The following SCN11A variants were observed in gnomAD, a reference collection of about 807,000 sequenced individuals.
The protein encoded by SCN11A is sodium voltage-gated channel alpha subunit 11.
A neutral mutation model predicts 162.2 loss-of-function variants in SCN11A; 122 were observed. The observed-to-expected ratio is 0.75, with a 90% CI of 0.65 to 0.87. SCN11A has a LOEUF of 0.87. Among genes scored for constraint, SCN11A ranks in the 40% least tolerant of loss-of-function variants. The pLI is 0.00. For synonymous variants in SCN11A, 758 were observed against 751.5 expected (o/e 1.01, Z -0.14); for missense variants, 2,015 against 2,181.6 (o/e 0.92, Z 1.52).
intron 7 of SCN11A, among the ~76,000 whole-genome samples, chr3:38,937,720 A>G (rs894908393): frequency 2.0e-5 from 3 of 152,226 alleles, no homozygotes; most frequent in African/African-American, 4.8e-5. Context: ...AAGTCAGGAA[A>G]CAACAGGTTC....
intron 2 of SCN11A, among the ~76,000 whole-genome samples, chr3:38,967,508 AG>A (rs1440488217): frequency 6.6e-6 from 1 of 152,180 alleles, no homozygotes; most frequent in African/African-American, 2.4e-5. Flanking sequence ...TATTTTCAGG[AG>A]TTCATTTCCC....
chr3:38,902,253 T>C (rs914857910), intron 16 of SCN11A, among the ~76,000 whole-genome samples: 1 of 152,184 alleles, frequency 6.6e-6, no homozygotes, highest in Non-Finnish European at 1.5e-5. Flanking sequence ...CAGCAGAGGA[T>C]AGCTGAATAC....
At chr3:38,926,099 C>A (rs1273298469) in intron 8 of SCN11A, among the ~76,000 whole-genome samples, 1 of 152,218 alleles carries the variant, frequency 6.6e-6, no homozygotes, top group Non-Finnish European at 1.5e-5. Flanking sequence ...GCCAGGTTTA[C>A]TATTGTTGTG....
At chr3:38,933,795 A>G (rs1362896136) in intron 7 of SCN11A, among the ~76,000 whole-genome samples, 1 of 152,228 alleles carries the variant, frequency 6.6e-6, no homozygotes, top group Non-Finnish European at 1.5e-5. Flanking sequence ...GTTGGAAAAC[A>G]CTCTGCAGGA....
At position 38,982,559 on chromosome 3, in the gene SCN11A, C is replaced by T. The variant is rs577546447; in HGVS notation, c.-279-22136G>A. On this transcript the variant is annotated intron_variant, in intron 2 of 29. Transcript: ENST00000302328. ...TTCAGAGCTATTGCTTTTATACGAA[C>T]AACCCAGTGGATTGTTTTACTGGAA... 7.9e-5 allele frequency among the ~76,000 whole-genome samples: 12 copies of T among 152,280 alleles called. No homozygotes were observed. In the East Asian group the frequency reaches 2.3e-3, roughly 29 times the overall value.
intron 2 of SCN11A, among the ~76,000 whole-genome samples, chr3:38,961,568 A>G (rs2066741076): frequency 6.6e-6 from 1 of 152,234 alleles, no homozygotes; most frequent in Non-Finnish European, 1.5e-5. Flanking sequence ...GAATAAGAGA[A>G]GACCAAAGAA....
At chr3:38,907,310 A>ATGTGTGTGTGTGTGTGTGTGTGTG (rs141158768) in intron 14 of SCN11A, among the ~76,000 whole-genome samples, 9 of 119,238 alleles carry the variant, frequency 7.5e-5, no homozygotes, top group Admixed American at 4.9e-4. Flanking sequence ...ACCAACATAT[A>ATGTGTGTGTGTGTGTGTGTGTGTG]TGTGTGTGTG....
chr3:38,907,886 G>A (rs1450756640), intron 14 of SCN11A, 63 bp downstream of exon 14: 1 of 1,353,624 alleles, frequency 7.4e-7, no homozygotes, highest in Non-Finnish European at 1.0e-6. Context: ...CAATTTGATT[G>A]GCAATTGGAC....
chr3:39,050,163 T>C (rs2125621065), intron 1 of SCN11A, among the ~76,000 whole-genome samples: 1 of 152,324 alleles, frequency 6.6e-6, no homozygotes, highest in South Asian at 2.1e-4. Context: ...GGCCTCTGCA[T>C]ACTCCTTTCA....
chr3:38,908,975 C>T (rs1440834798), intron 13 of SCN11A, 22 bp downstream of exon 13: 1 of 1,610,352 alleles, frequency 6.2e-7, no homozygotes, highest in Admixed American at 1.7e-5. Context: ...GCAGATCCCA[C>T]TGTCTGACCC....
chr3:38,995,865 G>GA (rs574842543), intron 2 of SCN11A, among the ~76,000 whole-genome samples: 15 of 118,108 alleles, frequency 1.3e-4, no homozygotes, highest in Non-Finnish European at 2.0e-4. Context: ...TTTCTCTGAA[G>GA]AACCCTGACC....
intron 2 of SCN11A, among the ~76,000 whole-genome samples, chr3:38,971,219 A>G (rs1402824965): frequency 6.6e-6 from 1 of 151,994 alleles, no homozygotes; most frequent in Non-Finnish European, 1.5e-5. Context: ...CAGTGGCATA[A>G]TCATAGCTCC....
At chr3:38,998,536 G>C (rs865881775) in intron 2 of SCN11A, among the ~76,000 whole-genome samples, 1 of 152,152 alleles carries the variant, frequency 6.6e-6, no homozygotes, top group Non-Finnish European at 1.5e-5. Context: ...AATACCATTT[G>C]ACCCAGTCAT....
At chr3:38,865,233 T>G (rs574401729) in intron 27 of SCN11A, among the ~76,000 whole-genome samples, 1 of 152,250 alleles carries the variant, frequency 6.6e-6, no homozygotes, top group African/African-American at 2.4e-5. Context: ...TTTTCTGTAA[T>G]AAAAAGTAAA....
chr3:38,959,788 A>C (rs2066722340), intron 3 of SCN11A, among the ~76,000 whole-genome samples: 1 of 152,254 alleles, frequency 6.6e-6, no homozygotes, highest in Non-Finnish European at 1.5e-5. Context: ...ATCAGAAAGC[A>C]AACGAACATG....
intron 23 of SCN11A, among the ~76,000 whole-genome samples, chr3:38,875,986 C>A (rs2065200424): frequency 6.6e-6 from 1 of 152,138 alleles, no homozygotes. Context: ...GGCACCAAAA[C>A]AGCATGGTAC....
chr3:38,962,322 T>G (rs1235920123), intron 2 of SCN11A, among the ~76,000 whole-genome samples: 1 of 152,220 alleles, frequency 6.6e-6, no homozygotes, highest in Non-Finnish European at 1.5e-5. Flanking sequence ...ATTTGTTGTT[T>G]TTTCTTAGTG....
At chr3:38,915,722 T>C (rs2065951142) in intron 11 of SCN11A, among the ~76,000 whole-genome samples, 1 of 152,158 alleles carries the variant, frequency 6.6e-6, no homozygotes, top group South Asian at 2.1e-4. Flanking sequence ...TATGTTCCAT[T>C]ATGTGGTCAG....
chr3:38,876,901 C>G (rs965969841), intron 23 of SCN11A, among the ~76,000 whole-genome samples: 1 of 151,660 alleles, frequency 6.6e-6, no homozygotes, highest in South Asian at 2.1e-4. Context: ...CACTTGCACA[C>G]ACGTTTATAG....
Sources: allele counts gnomAD v4.1 joint callset (sites outside exome capture counted in the v4.1 genomes callset), GRCh38; gene constraint gnomAD v4.1.1; transcripts MANE v1.5; gene names NCBI Gene and HGNC (gene_info 2026-07-23, HGNC 2026-07-21).